WDR33: variants seen among roughly 807,000 people sequenced by gnomAD.
WDR33 encodes the protein pre-mRNA 3' end processing protein WDR33.
WDR33 carries 47 observed loss-of-function variants against 164.9 expected under a neutral mutation model. The observed-to-expected ratio is 0.29, with a 90% CI of 0.23 to 0.36. The LOEUF is 0.36. WDR33 is among the 10% of genes least tolerant of loss of function. The pLI, the probability that WDR33 is intolerant of heterozygous loss-of-function variation, is 1.00. For missense variants in WDR33, 1,137 were observed against 1,754.1 expected (o/e 0.65, Z 6.28); for synonymous variants, 505 against 589.0 (o/e 0.86, Z 2.06).
rs1379135326 is a variant in WDR33, at chr2:127,701,927, A to G, written c.*4396T>C. On this transcript the variant is annotated 3_prime_UTR_variant, in exon 22 of 22. Coordinates refer to ENST00000322313, the MANE Select transcript of WDR33 (RefSeq NM_018383.5). ...TGCTGCGGGGCGGCGCGGCGTGCGG[A>G]CGCCTGCTGCGCTGCGAAGAAGCGC... The G allele has an allele frequency of 7.0e-7, 1 of 1,435,074 alleles. No individual in the cohort carries two copies. The highest frequency in any genetic ancestry group is 2.8e-5 in the Admixed American group (1 of 35,712). The allele number at this position is 1,435,074 out of a possible 1,614,324, so 88.9% of individuals were successfully genotyped here.
intron 7 of WDR33, among the ~76,000 whole-genome samples, chr2:127,752,648 G>A (rs1415377543): frequency 6.7e-6 from 1 of 148,576 alleles, no homozygotes; most frequent in Non-Finnish European, 1.5e-5. Flanking sequence ...AATGACAGCA[G>A]CCTGCTGCTA....
In WDR33 at chr2:127,720,366, A is replaced by G. The variant is rs1686407953; in HGVS notation, c.1672-13T>C. 1 of 1,505,040 alleles carries G rather than the reference A, an allele frequency of 6.6e-7. No individual in the cohort carries two copies. The highest frequency in any genetic ancestry group is 1.4e-5 in the African/African-American group (1 of 71,502). The allele number at this position is 1,505,040 out of a possible 1,614,324, so 93.2% of individuals were successfully genotyped here. The stretch of plus-strand genomic sequence containing the variant: ...CAATTTTAAGTTGCTGGAAAGAAAG[A>G]AAGAAAAAAGCATGTTGAATAAACA... On this transcript the variant is annotated splice_polypyrimidine_tract_variant and intron_variant, in intron 15 of 21. Transcript: ENST00000322313. This position sits in a 1 kb window ranked among gnomAD's most constrained non-coding sequence, Gnocchi z 5.9.
intron 3 of WDR33, 36 bp downstream of exon 3, chr2:127,768,897 T>G: frequency 6.6e-7 from 1 of 1,514,538 alleles, no homozygotes; most frequent in Non-Finnish European, 9.1e-7. Flanking sequence ...AGCAAGGAAG[T>G]GTTTATTAAG....
intron 7 of WDR33, among the ~76,000 whole-genome samples, chr2:127,731,318 A>G (rs1041819012): frequency 7.1e-6 from 1 of 140,780 alleles, no homozygotes; most frequent in Non-Finnish European, 1.5e-5. Context: ...AAAAAAAAAA[A>G]CACAGAAAAG....
chr2:127,711,759 T>TAG (rs1558919288), intron 18 of WDR33, among the ~76,000 whole-genome samples: 50 of 77,842 alleles, frequency 6.4e-4, no homozygotes, highest in African/African-American at 5.4e-3. Context: ...CAGATATATA[T>TAG]ATATATATAT....
At position 127,701,974 on chromosome 2, in the gene WDR33, A is replaced by G; in HGVS notation, c.*4349T>C. ...GCGCCGTCCCGGCCCGCGCTGCTCT[A>G]CATGGCAGCGCTGGGCGCCACGCTG... On this transcript the variant is annotated 3_prime_UTR_variant, in exon 22 of 22. Transcript: ENST00000322313. 1 of 1,375,594 alleles carries G rather than the reference A, an allele frequency of 7.3e-7. No homozygotes were observed. Among genetic ancestry groups the G allele is most frequent in the East Asian group, 3.2e-5 (1 of 31,020 alleles). The allele number at this position is 1,375,594 out of a possible 1,614,324, so 85.2% of individuals were successfully genotyped here.
At chr2:127,792,356 T>G (rs1488275421) in intron 1 of WDR33, among the ~76,000 whole-genome samples, 1 of 152,088 alleles carries the variant, frequency 6.6e-6, no homozygotes, top group African/African-American at 2.4e-5. Context: ...ACTGAGATGT[T>G]TATTAGCAAT....
At chr2:127,751,130 G>A (rs1345306520) in intron 7 of WDR33, among the ~76,000 whole-genome samples, 2 of 151,944 alleles carry the variant, frequency 1.3e-5, no homozygotes, top group African/African-American at 2.4e-5. Flanking sequence ...GAAGGCAGAG[G>A]CGGGAGGATC....
At chr2:127,788,126 ACTTCCCAGTAGG>A (rs1688667946) in intron 1 of WDR33, among the ~76,000 whole-genome samples, 1 of 72,588 alleles carries the variant, frequency 1.4e-5, no homozygotes, top group Non-Finnish European at 2.6e-5. Context: ...GGGGCTCCTC[ACTTCCCAGTAGG>A]GGCGGCCGGG....
Position 127,741,887 on chromosome 2 carries a change from TA to T in WDR33, c.725-15111del, listed in dbSNP as rs1183044555. Among the ~76,000 whole-genome samples the T allele has an allele frequency of 6.6e-6, 1 of 152,106 alleles. No homozygotes were observed. The highest frequency in any genetic ancestry group is 2.4e-5 in the African/African-American group (1 of 41,430). ...AGAACCACTAGAAATTCTTGAAAAG[TA>T]AACATGCAGTTGATAAAAATAACAC... On this transcript the variant is annotated intron_variant, in intron 7 of 21. Coordinates refer to ENST00000322313, the MANE Select transcript of WDR33 (RefSeq NM_018383.5). The surrounding 1 kb of genome is among the most constrained non-coding windows in gnomAD (Gnocchi z 4.1).
At chr2:127,756,527 T>A (rs1229027696) in intron 7 of WDR33, among the ~76,000 whole-genome samples, 3 of 152,140 alleles carry the variant, frequency 2.0e-5, no homozygotes, top group Non-Finnish European at 4.4e-5. Context: ...TTTATCTAAC[T>A]GTATCAGCCT....
At chr2:127,774,091 G>C (rs1321072795) in intron 1 of WDR33, among the ~76,000 whole-genome samples, 1 of 129,960 alleles carries the variant, frequency 7.7e-6, no homozygotes, top group Non-Finnish European at 1.6e-5. Context: ...TCACTCTGTT[G>C]CCCTGGCTAG....
rs77444372 is a variant in WDR33, at chr2:127,784,624, A to G, written c.-23-13620T>C. Reference sequence around the variant, plus strand: ...TTGAACTCCTGGGCTCAATCTATCTACTCACCTTGACCTCCCAAAGTACAG... The same window carrying G: ...TTGAACTCCTGGGCTCAATCTATCTGCTCACCTTGACCTCCCAAAGTACAG... On this transcript the variant is annotated intron_variant, in intron 1 of 21. Transcript: ENST00000322313. 2.7e-3 allele frequency among the ~76,000 whole-genome samples: 410 copies of G among 151,436 alleles called. 4 individuals are homozygous for G. The highest frequency in any genetic ancestry group is 8.8e-3 in the African/African-American group (364 of 41,214).
At chr2:127,797,468 G>A (rs1573477829) in intron 1 of WDR33, among the ~76,000 whole-genome samples, 1 of 151,926 alleles carries the variant, frequency 6.6e-6, no homozygotes, top group East Asian at 1.9e-4. Flanking sequence ...CTCCACCCTG[G>A]GTGACAGAAC....
intron 3 of WDR33, 40 bp downstream of exon 3, chr2:127,768,893 G>C (rs773128553): frequency 6.8e-7 from 1 of 1,478,098 alleles, no homozygotes; most frequent in Admixed American, 1.8e-5. Flanking sequence ...TTCAAGCAAG[G>C]AAGTGTTTAT....
chr2:127,807,023 A>G (rs1434036556), intron 1 of WDR33, among the ~76,000 whole-genome samples: 2 of 151,710 alleles, frequency 1.3e-5, no homozygotes, highest in African/African-American at 2.4e-5. Flanking sequence ...TTTTTTTTTT[A>G]AGACGGCATT....
intron 7 of WDR33, among the ~76,000 whole-genome samples, chr2:127,757,120 G>A (rs912290219): frequency 5.3e-5 from 8 of 150,862 alleles, no homozygotes; most frequent in African/African-American, 2.0e-4. Context: ...ACAAAAGAGT[G>A]CCTGGGAGTG....
rs1685940687 is a variant in WDR33, at chr2:127,703,448, C to T, written c.*2875G>A. On this transcript the variant is annotated 3_prime_UTR_variant, in exon 22 of 22. Coordinates refer to ENST00000322313, the MANE Select transcript of WDR33 (RefSeq NM_018383.5). ...GGGTGTCTGTCGTGCCGCAGTAGAG[C>T]ACTGCTGCTTCCTCCAACCCCAAAA... 1 of 167,128 alleles carries T rather than the reference C, an allele frequency of 6.0e-6. No homozygotes were observed. The highest frequency in any genetic ancestry group is 1.5e-5 in the Non-Finnish European group (1 of 68,142). The allele number at this position is 167,128 out of a possible 1,614,324, so 10.4% of individuals were successfully genotyped here.
In WDR33 at chr2:127,706,343, C is replaced by T. The variant is rs763142345; in HGVS notation, c.3991G>A (p.Gly1331Ser). The T allele has an allele frequency of 2.7e-5, 42 of 1,581,232 alleles. No homozygotes were observed. The highest frequency in any genetic ancestry group is 3.4e-5 in the Non-Finnish European group (39 of 1,163,540). The change falls in exon 22 of 22, where the codon GGT becomes AGT. Residue 1331 changes from glycine (G) to serine (S), a missense_variant. Gly to Ser is a moderately conservative substitution (Grantham distance 56). Coordinates refer to ENST00000322313, the MANE Select transcript of WDR33 (RefSeq NM_018383.5). The surrounding 1 kb of genome is among the most constrained non-coding windows in gnomAD (Gnocchi z 5.1). ...AGCTTCTACCGACCCCTTCCACCAC[C>T]CCGTGAAGCTCCTCGCCTCGGCGGG... Reference protein sequence around the residue: ...SGPPRRGASRGGGRGR With the variant: ...SGPPRRGASRSGGRGR
Sources: gnomAD v4.1 joint callset for allele counts (sites outside exome capture counted in the v4.1 genomes callset) on GRCh38, gnomAD v4.1.1 for gene constraint, Gnocchi (gnomAD v3.1) non-coding constraint, MANE v1.5 for transcripts, NCBI Gene and HGNC (gene_info 2026-07-23, HGNC 2026-07-21) for gene names.